The following SPATA6L variants were observed in gnomAD, a reference collection of about 807,000 sequenced individuals.
The protein encoded by SPATA6L is spermatogenesis associated 6-like protein.
SPATA6L carries 68 observed loss-of-function variants against 49.2 expected under a neutral mutation model. That is an observed-to-expected ratio of 1.38 (90% CI 1.14 to 1.69). The LOEUF is 1.69. Among genes scored for constraint, SPATA6L ranks in the 40% most tolerant of loss-of-function variants. The pLI, the probability that SPATA6L is intolerant of heterozygous loss-of-function variation, is 0.00. For synonymous variants in SPATA6L, 198 were observed against 165.7 expected (o/e 1.19, Z -1.50); for missense variants, 668 against 464.3 (o/e 1.44, Z -4.03).
chr9:4,610,207 A>C (rs1826343633), intron 9 of SPATA6L, among the ~76,000 whole-genome samples: 1 of 151,402 alleles, frequency 6.6e-6, no homozygotes, highest in Non-Finnish European at 1.5e-5. Flanking sequence ...ATATCGTGAA[A>C]ATGGCCATAC....
At chr9:4,622,562 C>G in intron 6 of SPATA6L, 52 bp from the exon 7 acceptor site, 1 of 1,241,170 alleles carries the variant, frequency 8.1e-7, no homozygotes, top group Non-Finnish European at 1.2e-6. Flanking sequence ...CTTCTAGTAC[C>G]CTCCCCTCGT....
chr9:4,605,584 A>G (rs1389950501), intron 9 of SPATA6L, 144 bp from the exon 10 acceptor site: 6 of 598,252 alleles, frequency 1.0e-5, no homozygotes, highest in Non-Finnish European at 1.5e-5. Context: ...TGTGATTTCA[A>G]TGTCTTTCTT....
intron 3 of SPATA6L, among the ~76,000 whole-genome samples, chr9:4,648,368 T>G (rs902132925): frequency 6.6e-6 from 1 of 152,200 alleles, no homozygotes; most frequent in Non-Finnish European, 1.5e-5. Flanking sequence ...TAAAATTTTT[T>G]TATTTCCACA....
intron 2 of SPATA6L, among the ~76,000 whole-genome samples, chr9:4,661,025 C>G (rs1463770717): frequency 1.3e-5 from 2 of 152,004 alleles, no homozygotes; most frequent in Non-Finnish European, 2.9e-5. Flanking sequence ...ACACAGGGGC[C>G]TGTCGTGGGG....
At chr9:4,612,222 C>A (rs948071070) in intron 9 of SPATA6L, among the ~76,000 whole-genome samples, 3 of 152,096 alleles carry the variant, frequency 2.0e-5, no homozygotes, top group South Asian at 2.1e-4. Context: ...GATCCTCCTG[C>A]CTCAGCCTCC....
rs1160827843 is a variant in SPATA6L at position 4,623,982 on chromosome 9, T to C, written c.669+1345A>G. Among the ~76,000 whole-genome samples the C allele has an allele frequency of 2.0e-5, 3 of 152,242 alleles. No homozygotes were observed. The East Asian group carries it at 5.8e-4, about 29-fold the overall frequency. ...TTGTAGATAGCTGTTCTGAAGTTTCTAGCCAAACAGCTCTGTTTTACCTAC... is the reference window on the plus strand; with the variant it reads ...TTGTAGATAGCTGTTCTGAAGTTTCCAGCCAAACAGCTCTGTTTTACCTAC... On this transcript the variant is annotated intron_variant, in intron 6 of 11. Coordinates refer to ENST00000682582, the MANE Select transcript of SPATA6L (RefSeq NM_001353486.2).
chr9:4,606,858 G>A (rs1211658191), intron 9 of SPATA6L, among the ~76,000 whole-genome samples: 1 of 146,366 alleles, frequency 6.8e-6, no homozygotes. Context: ...GCTACGGGAG[G>A]ACATTCAAAC....
At chr9:4,635,783 G>A (rs1832689191) in intron 3 of SPATA6L, among the ~76,000 whole-genome samples, 2 of 152,188 alleles carry the variant, frequency 1.3e-5, no homozygotes, top group Admixed American at 1.3e-4. Flanking sequence ...TTACAGTTTA[G>A]ACTGGGGTTC....
intron 5 of SPATA6L, chr9:4,626,179 G>T (rs548373514): frequency 9.0e-6 from 2 of 221,590 alleles, no homozygotes; most frequent in East Asian, 1.1e-4. Context: ...TTCTATTCCT[G>T]TTAGCATCAT....
Position 4,641,585 on chromosome 9 carries a change from G to C in SPATA6L, c.227-6186C>G, listed in dbSNP as rs542026451. On this transcript the variant is annotated intron_variant, in intron 3 of 11. Coordinates refer to ENST00000682582, the MANE Select transcript of SPATA6L (RefSeq NM_001353486.2). ...AAAAAGTCTGTACATGTTCAGTACA[G>C]ACACAACCATCATAGGCCTAACTAC... Among the ~76,000 whole-genome samples the C allele has an allele frequency of 3.9e-5, 6 of 152,222 alleles. No homozygotes were observed. In the East Asian group the frequency reaches 9.7e-4, roughly 24 times the overall value.
intron 3 of SPATA6L, among the ~76,000 whole-genome samples, chr9:4,652,463 A>T (rs2130732630): frequency 6.6e-6 from 1 of 152,358 alleles, no homozygotes; most frequent in South Asian, 2.1e-4. Context: ...AAATTTTTAA[A>T]AATTCCACTT....
intron 9 of SPATA6L, among the ~76,000 whole-genome samples, chr9:4,615,599 C>G (rs1005497965): frequency 6.6e-6 from 1 of 152,204 alleles, no homozygotes; most frequent in Non-Finnish European, 1.5e-5. Context: ...AGGTCTCTCT[C>G]CTGATGTAAC....
intron 5 of SPATA6L, 42 bp downstream of exon 5, chr9:4,629,049 A>G: frequency 2.1e-6 from 3 of 1,433,202 alleles, no homozygotes; most frequent in Non-Finnish European, 2.9e-6. Flanking sequence ...TTGAAAAAAA[A>G]AAATCCGGTC....
intron 3 of SPATA6L, 90 bp from the exon 4 acceptor site, chr9:4,635,489 G>A: frequency 7.6e-7 from 1 of 1,308,072 alleles, no homozygotes; most frequent in South Asian, 1.5e-5. Flanking sequence ...GGCAGAGATG[G>A]CACTCAGGTA....
At chr9:4,611,870 C>G (rs73387221) in intron 9 of SPATA6L, among the ~76,000 whole-genome samples, 8,938 of 151,976 alleles carry the variant, frequency 0.059, 880 homozygotes, top group African/African-American at 0.2. Flanking sequence ...TGTTGTTTCA[C>G]GGAGAGATTA....
At chr9:4,604,359 C>T in intron 10 of SPATA6L, 90 bp from the exon 11 acceptor site, 1 of 768,776 alleles carries the variant, frequency 1.3e-6, no homozygotes, top group East Asian at 2.6e-5. Flanking sequence ...TGTAGGAGGT[C>T]TGTGCATCCC....
rs192484812 is a variant in SPATA6L at position 4,648,426 on chromosome 9, A to G, written c.226+7615T>C. Among the ~76,000 whole-genome samples, 563 of 152,158 alleles carry G rather than the reference A, an allele frequency of 3.7e-3. 8 individuals carry two copies. Among genetic ancestry groups the G allele is most frequent in the African/African-American group, 0.012 (517 of 41,512 alleles). ...TTTGATTATAAGTTCTTGGCTGGGCACCGTGGCTCACGCCTGTAATCCCAG... is the reference window on the plus strand; with the variant it reads ...TTTGATTATAAGTTCTTGGCTGGGCGCCGTGGCTCACGCCTGTAATCCCAG... On this transcript the variant is annotated intron_variant, in intron 3 of 11. Coordinates refer to ENST00000682582, the MANE Select transcript of SPATA6L (RefSeq NM_001353486.2).
Position 4,666,216 on chromosome 9 carries a change from C to G in SPATA6L, c.35G>C (p.Arg12Pro), listed in dbSNP as rs572438081. ...PLEVVVELQIRAISCPGVFLP... is the reference protein window; with the variant it reads ...PLEVVVELQIPAISCPGVFLP... ...GGGAGTTCATCGATCTCTTACCGCC[C>G]GGATCTGCAGCTCCACCACCACCTC... The change falls in exon 1 of 12, where the codon CGG (arginine) becomes CCG (proline). Residue 12 changes from arginine to proline, a missense_variant. Transcript: ENST00000682582. The G allele has an allele frequency of 1.2e-5, 19 of 1,614,128 alleles. No individual in the cohort carries two copies. Among genetic ancestry groups the G allele is most frequent in the Admixed American group, 1.7e-5 (1 of 60,014 alleles).
chr9:4,630,161 A>G (rs903050680), intron 4 of SPATA6L, among the ~76,000 whole-genome samples: 1 of 152,114 alleles, frequency 6.6e-6, no homozygotes, highest in Admixed American at 6.5e-5. Flanking sequence ...AAGTGCCTAT[A>G]AAGGGGTAAC....
Sources: gnomAD v4.1 joint callset for allele counts (sites outside exome capture counted in the v4.1 genomes callset) on GRCh38, gnomAD v4.1.1 for gene constraint, MANE v1.5 for transcripts, NCBI Gene and HGNC (gene_info 2026-07-23, HGNC 2026-07-21) for gene names.